ZNF254: variants seen among roughly 807,000 people sequenced by gnomAD.
ZNF254 encodes zinc finger protein 254.
ZNF254 carries 10 observed loss-of-function variants against 12.4 expected under a neutral mutation model. That is an observed-to-expected ratio of 0.80 (90% CI 0.50 to 1.36). ZNF254 has a LOEUF of 1.36. Ranked by LOEUF, ZNF254 falls within the 40% of genes most tolerant of loss-of-function variation. ZNF254 has a pLI of 0.00. For synonymous variants in ZNF254, 305 were observed against 253.4 expected (o/e 1.20, Z -1.93); for missense variants, 996 against 763.9 (o/e 1.30, Z -3.58).
chr19:24,115,899 A>G (rs1974032414), intron 3 of ZNF254, among the ~76,000 whole-genome samples: 1 of 152,142 alleles, frequency 6.6e-6, no homozygotes, highest in Admixed American at 6.5e-5. Context: ...TGGTGGTGAC[A>G]AAGTCTCTCA....
At chr19:24,043,888 C>G (rs1330112488) in intron 1 of ZNF254, among the ~76,000 whole-genome samples, 1 of 152,140 alleles carries the variant, frequency 6.6e-6, no homozygotes, top group East Asian at 1.9e-4. Flanking sequence ...ACAGTTATCT[C>G]TGTATATTGG....
chr19:24,044,420 C>T (rs1970297785), intron 1 of ZNF254, among the ~76,000 whole-genome samples: 1 of 151,848 alleles, frequency 6.6e-6, no homozygotes, highest in Admixed American at 6.6e-5. Context: ...CACCTGTAGT[C>T]CCAGCTACTT....
chr19:24,036,454 G>A (rs1969971463), intron 1 of ZNF254, among the ~76,000 whole-genome samples: 1 of 152,178 alleles, frequency 6.6e-6, no homozygotes, highest in Non-Finnish European at 1.5e-5. Context: ...TGGCTCAGAA[G>A]TATAGATGAG....
rs1297294753 is a variant in ZNF254, at chr19:24,127,303, A to G, written c.1303A>G (p.Lys435Glu). 2 of 1,613,646 alleles carry G rather than the reference A, an allele frequency of 1.2e-6. No homozygotes were observed. Among genetic ancestry groups the G allele is most frequent in the Admixed American group, 3.3e-5 (2 of 59,912 alleles). ...KIIHTGEKPY[K>E]CEECGKAFIW... Reference sequence around the variant, plus strand: ...AATTCATACTGGAGAGAAACCTTACAAGTGTGAAGAATGTGGCAAAGCATT... The same window carrying G: ...AATTCATACTGGAGAGAAACCTTACGAGTGTGAAGAATGTGGCAAAGCATT... Residue 435 changes from lysine (K) to glutamate (E), a missense_variant, in exon 4 of 4, where the codon AAG (lysine) becomes GAG (glutamate). Physicochemically the swap from Lys to Glu is moderately conservative, Grantham distance 56. Transcript: ENST00000357002.
At chr19:24,090,486 G>T (rs1208068127) in intron 1 of ZNF254, among the ~76,000 whole-genome samples, 1 of 152,146 alleles carries the variant, frequency 6.6e-6, no homozygotes, top group Non-Finnish European at 1.5e-5. Context: ...ACCCAGGCTG[G>T]AGCGCAGTGG....
intron 3 of ZNF254, among the ~76,000 whole-genome samples, chr19:24,123,750 A>C (rs10423463): frequency 6.6e-6 from 1 of 151,990 alleles, no homozygotes; most frequent in Admixed American, 6.6e-5. Context: ...AAATATTATA[A>C]TTTTTGACTT....
intron 3 of ZNF254, among the ~76,000 whole-genome samples, chr19:24,115,307 A>G (rs1973969690): frequency 6.6e-6 from 1 of 152,178 alleles, no homozygotes; most frequent in Non-Finnish European, 1.5e-5. Flanking sequence ...TGGATTAAGA[A>G]AATGTGGCAC....
intron 1 of ZNF254, among the ~76,000 whole-genome samples, chr19:24,041,341 G>A (rs1008296223): frequency 2.0e-5 from 3 of 152,250 alleles, no homozygotes; most frequent in Non-Finnish European, 4.4e-5. Flanking sequence ...AACCGGGGCT[G>A]CGTGCGGCGC....
chr19:24,084,640 A>T (rs1971961654), upstream of ZNF254, among the ~76,000 whole-genome samples: 1 of 151,942 alleles, frequency 6.6e-6, no homozygotes, highest in African/African-American at 2.4e-5. Context: ...TTTATTTTTT[A>T]TTTTTTAGAA....
At chr19:24,060,354 T>C (rs562767132) in intron 2 of ZNF254, among the ~76,000 whole-genome samples, 107 of 152,288 alleles carry the variant, frequency 7.0e-4, no homozygotes, top group African/African-American at 2.5e-3. Flanking sequence ...ACAGAAAAAC[T>C]AACACATCAC....
chr19:24,049,208 ATATATATTT>A (rs1480609425), intron 2 of ZNF254, among the ~76,000 whole-genome samples: 39 of 47,546 alleles, frequency 8.2e-4, no homozygotes, highest in African/African-American at 1.5e-3. Context: ...ATATATATAT[ATATATATTT>A]TTTTTTTTTT....
At chr19:24,083,542 A>C (rs1371378975), upstream of ZNF254, among the ~76,000 whole-genome samples, 1 of 152,198 alleles carries the variant, frequency 6.6e-6, no homozygotes, top group Admixed American at 6.5e-5. Context: ...AGATGGATCA[A>C]AAATGTTAAG....
intron 2 of ZNF254, among the ~76,000 whole-genome samples, chr19:24,048,667 T>C (rs1407276473): frequency 1.3e-5 from 2 of 151,948 alleles, no homozygotes; most frequent in East Asian, 1.9e-4. Context: ...GTTTCCACAG[T>C]ACATTGAGTT....
chr19:24,085,421 T>TATATATATATATATATATATATATAC (rs1568445675), upstream of ZNF254, among the ~76,000 whole-genome samples: 7 of 132,634 alleles, frequency 5.3e-5, no homozygotes, highest in South Asian at 2.4e-4. Context: ...TATATATATA[T>TATATATATATATATATATATATATAC]ATATAAAAAC....
At chr19:24,073,689 C>A (rs540106848) in intron 2 of ZNF254, among the ~76,000 whole-genome samples, 1 of 152,090 alleles carries the variant, frequency 6.6e-6, no homozygotes, top group Non-Finnish European at 1.5e-5. Context: ...ACTCTCAGAC[C>A]AAGATTCAAC....
intron 1 of ZNF254, among the ~76,000 whole-genome samples, chr19:24,044,913 T>A (rs942872852): frequency 6.6e-6 from 1 of 152,238 alleles, no homozygotes; most frequent in African/African-American, 2.4e-5. Flanking sequence ...CTCAGCAGAA[T>A]ATGTATAGAG....
At chr19:24,052,286 C>T (rs1467859163) in intron 2 of ZNF254, among the ~76,000 whole-genome samples, 4 of 152,218 alleles carry the variant, frequency 2.6e-5, no homozygotes, top group African/African-American at 9.6e-5. Context: ...GGGAACCACC[C>T]ACAGAAGTAT....
At position 24,127,307 on chromosome 19, in the gene ZNF254, G is replaced by T; in HGVS notation, c.1307G>T (p.Cys436Phe). 1 of 1,613,666 alleles carries T rather than the reference G, an allele frequency of 6.2e-7. No individual in the cohort carries two copies. Among genetic ancestry groups the T allele is most frequent in the Non-Finnish European group, 8.5e-7 (1 of 1,179,840 alleles). Residue 436 changes from cysteine to phenylalanine, a missense_variant, in exon 4 of 4, where the codon TGT (cysteine) becomes TTT (phenylalanine). Transcript: ENST00000357002. ...IIHTGEKPYK[C>F]EECGKAFIWS... ...CATACTGGAGAGAAACCTTACAAGTGTGAAGAATGTGGCAAAGCATTTATC... is the reference window on the plus strand; with the variant it reads ...CATACTGGAGAGAAACCTTACAAGTTTGAAGAATGTGGCAAAGCATTTATC...
chr19:24,076,345 T>C (rs907807435), intron 2 of ZNF254, among the ~76,000 whole-genome samples: 10 of 152,236 alleles, frequency 6.6e-5, no homozygotes, highest in African/African-American at 2.2e-4. Context: ...CTGCTGCGGC[T>C]TCAGCCAGTC....
Sources: gnomAD v4.1 joint callset for allele counts (sites outside exome capture counted in the v4.1 genomes callset) on GRCh38, gnomAD v4.1.1 for gene constraint, MANE v1.5 for transcripts, NCBI Gene and HGNC (gene_info 2026-07-23, HGNC 2026-07-21) for gene names.